The following PHACTR1 variants were observed in gnomAD, a reference collection of about 807,000 sequenced individuals.
PHACTR1 encodes the protein RPEL repeat containing 1.
Under a neutral mutation model 69.2 loss-of-function variants are expected in PHACTR1, and 16 were observed. The observed-to-expected ratio is 0.23, with a 90% confidence interval of 0.16 to 0.35. PHACTR1 has a LOEUF of 0.35. Ranked by LOEUF, PHACTR1 falls within the 10% of genes least tolerant of loss-of-function variation. The probability of loss-of-function intolerance (pLI) is 1.00; values close to 1 mark genes in which losing one functional copy is unlikely to be tolerated. For synonymous variants in PHACTR1, 312 were observed against 284.5 expected, an observed-to-expected ratio of 1.10 and a Z score of -0.97; for missense variants, 510 against 734.7, an observed-to-expected ratio of 0.69 and a Z score of 3.54.
chr6:13,182,686 G>A lies in PHACTR1; in HGVS notation c.664G>A (p.Asp222Asn). Reference sequence around the variant, plus strand: ...ACCGTCAGACATCATGGATGGGCCAGGTAATGCCCCGGCAGGATTGTAGAG... The same window carrying A: ...ACCGTCAGACATCATGGATGGGCCAAGTAATGCCCCGGCAGGATTGTAGAG... ...LQPSDIMDGPDPGAPVKLPCL... is the reference protein window; with the variant it reads ...LQPSDIMDGPNPGAPVKLPCL... Residue 222 changes from aspartate to asparagine, a missense_variant and splice_region_variant, in exon 7 of 15, where the codon GAT (aspartate) becomes AAT (asparagine). By Grantham distance (23) the Asp-to-Asn change is conservative. This residue lies in a region of PHACTR1 where 419 missense variants were observed against 530.9 expected (regional missense o/e 0.79). Transcript: ENST00000332995. 1 of 1,536,632 alleles carries A rather than the reference G, an allele frequency of 6.5e-7. No homozygotes were observed. The highest frequency in any genetic ancestry group is 8.7e-7 in the Non-Finnish European group (1 of 1,145,150).
At chr6:12,758,706 A>G (rs1029245780) in intron 4 of PHACTR1, among the ~76,000 whole-genome samples, 4 of 152,172 alleles carry the variant, frequency 2.6e-5, no homozygotes, top group African/African-American at 9.7e-5. Context: ...CTTAATAGAC[A>G]TGATTTACCA....
intron 5 of PHACTR1, among the ~76,000 whole-genome samples, chr6:13,110,670 C>A (rs551407318): frequency 6.6e-6 from 1 of 152,302 alleles, no homozygotes; most frequent in South Asian, 2.1e-4. Flanking sequence ...CATTCCTGTA[C>A]CACAGACTGG....
At chr6:12,974,231 A>AT (rs900495937) in intron 4 of PHACTR1, among the ~76,000 whole-genome samples, 8 of 152,028 alleles carry the variant, frequency 5.3e-5, no homozygotes, top group African/African-American at 1.5e-4. Context: ...GGAGTGTGAG[A>AT]TTTTTTAAGC....
intron 4 of PHACTR1, among the ~76,000 whole-genome samples, chr6:12,915,324 T>C (rs949176665): frequency 8.6e-5 from 13 of 151,922 alleles, no homozygotes; most frequent in African/African-American, 3.1e-4. Context: ...CTGGGCAACA[T>C]GGCAAAACCC....
chr6:13,134,812 A>G (rs2127978779), intron 5 of PHACTR1, among the ~76,000 whole-genome samples: 1 of 151,646 alleles, frequency 6.6e-6, no homozygotes, highest in East Asian at 1.9e-4. Context: ...AAAAAAAAAA[A>G]AAAAAAAAAA....
At chr6:12,825,057 T>A (rs141020055) in intron 4 of PHACTR1, among the ~76,000 whole-genome samples, 3 of 152,182 alleles carry the variant, frequency 2.0e-5, no homozygotes, top group African/African-American at 7.2e-5. Flanking sequence ...GGCAGGAGGA[T>A]AACTTGAGGT....
intron 4 of PHACTR1, among the ~76,000 whole-genome samples, chr6:12,884,423 C>T (rs542686780): frequency 5.4e-5 from 8 of 149,048 alleles, no homozygotes; most frequent in South Asian, 2.1e-4. Context: ...TTTTTTTAGA[C>T]GGAGTCTCAC....
chr6:12,890,158 C>T (rs750162347), intron 4 of PHACTR1, among the ~76,000 whole-genome samples: 4 of 152,092 alleles, frequency 2.6e-5, no homozygotes, highest in Non-Finnish European at 4.4e-5. Context: ...GAACTGCGCA[C>T]GTGAGGGATC....
At chr6:12,743,587 C>G (rs942381976) in intron 3 of PHACTR1, among the ~76,000 whole-genome samples, 2 of 152,110 alleles carry the variant, frequency 1.3e-5, no homozygotes, top group African/African-American at 4.8e-5. Context: ...TCTTAGGGAT[C>G]AATGCAACAA....
At chr6:12,933,116 A>G (rs1160122720) in intron 4 of PHACTR1, among the ~76,000 whole-genome samples, 2 of 151,788 alleles carry the variant, frequency 1.3e-5, no homozygotes, top group Non-Finnish European at 2.9e-5. Context: ...TTGTATTTTT[A>G]GTAGATATGT....
In PHACTR1 at chr6:13,225,600, TTCTTTA is replaced by T. The variant is rs1231902861; in HGVS notation, c.987-2211_987-2206del. Among the ~76,000 whole-genome samples the T allele has an allele frequency of 8.5e-5, 13 of 152,322 alleles. No individual in the cohort carries two copies. The East Asian group carries it at 1.2e-3, about 14-fold the overall frequency. On this transcript the variant is annotated intron_variant, in intron 8 of 14. Coordinates refer to ENST00000332995, the MANE Select transcript of PHACTR1 (RefSeq NM_030948.6). ...TTATCTTCCTTTGCATTTTTCTCTC[TTCTTTA>T]TCTTCTTGAATCAACTTGGAGCCTT...
intron 5 of PHACTR1, among the ~76,000 whole-genome samples, chr6:13,075,389 T>C (rs1810276807): frequency 6.6e-6 from 1 of 152,140 alleles, no homozygotes; most frequent in Admixed American, 6.5e-5. Flanking sequence ...CCCTCAATGA[T>C]TTTGATTTGC....
chr6:13,148,180 G>GT (rs58832085), intron 5 of PHACTR1, among the ~76,000 whole-genome samples: 19,447 of 132,056 alleles, frequency 0.15, 2,607 homozygotes, highest in African/African-American at 0.36. Context: ...GTGTTTACTG[G>GT]TTTTTTTTTT....
intron 4 of PHACTR1, among the ~76,000 whole-genome samples, chr6:13,043,434 A>T (rs1244125539): frequency 1.3e-5 from 2 of 152,082 alleles, no homozygotes; most frequent in African/African-American, 4.8e-5. Flanking sequence ...CTCAAAAAAA[A>T]AAGGCGGGTG....
chr6:12,833,624 G>A (rs1409774799), intron 4 of PHACTR1, among the ~76,000 whole-genome samples: 3 of 152,132 alleles, frequency 2.0e-5, no homozygotes, highest in Admixed American at 6.5e-5. Flanking sequence ...CACGTTCATT[G>A]TATTTGAAAA....
At chr6:12,805,760 C>G (rs1021698556) in intron 4 of PHACTR1, among the ~76,000 whole-genome samples, 15 of 152,062 alleles carry the variant, frequency 9.9e-5, no homozygotes, top group African/African-American at 3.4e-4. Context: ...ACCACCACTC[C>G]TAACTAATTT....
chr6:13,241,086 C>T (rs1772773332), intron 10 of PHACTR1, among the ~76,000 whole-genome samples: 3 of 152,116 alleles, frequency 2.0e-5, no homozygotes, highest in South Asian at 4.1e-4. Context: ...GAGCTTCCCT[C>T]CCAAGGACCT....
chr6:12,822,706 A>T (rs980314926), intron 4 of PHACTR1, among the ~76,000 whole-genome samples: 1 of 152,108 alleles, frequency 6.6e-6, no homozygotes, highest in African/African-American at 2.4e-5. Flanking sequence ...ACAGAACCAG[A>T]CCTTCTTTCT....
intron 4 of PHACTR1, among the ~76,000 whole-genome samples, chr6:12,831,368 G>A (rs748308049): frequency 3.5e-4 from 54 of 152,284 alleles, no homozygotes; most frequent in African/African-American, 1.1e-3. Flanking sequence ...ACAAGAACCC[G>A]TCACTCAGGA....
Sources: allele counts gnomAD v4.1 joint callset (sites outside exome capture counted in the v4.1 genomes callset), GRCh38; gene constraint gnomAD v4.1.1; regional missense constraint gnomAD v4.1.1; transcripts MANE v1.5; gene names NCBI Gene and HGNC (gene_info 2026-07-23, HGNC 2026-07-21).